The following PSMA8 variants were observed in gnomAD, a reference collection of about 807,000 sequenced individuals.
PSMA8 encodes proteasome subunit alpha-type 8.
PSMA8 carries 18 observed loss-of-function variants against 32.4 expected under a neutral mutation model. The observed-to-expected ratio is 0.56, with a 90% CI of 0.38 to 0.82. The LOEUF (loss-of-function observed/expected upper bound fraction) is 0.82. Ranked by LOEUF, PSMA8 falls within the 40% of genes least tolerant of loss-of-function variation. PSMA8 has a pLI of 0.00. For synonymous variants in PSMA8, 104 were observed against 98.1 expected (o/e 1.06, Z -0.36); for missense variants, 298 against 300.7 (o/e 0.99, Z 0.07).
intron 3 of PSMA8, among the ~76,000 whole-genome samples, chr18:26,153,894 T>C (rs1410103371): frequency 6.6e-6 from 1 of 152,078 alleles, no homozygotes; most frequent in Non-Finnish European, 1.5e-5. Context: ...ATTTGTTTTA[T>C]TTTTATTTTT....
chr18:26,154,416 A>G (rs1420924746), intron 3 of PSMA8, among the ~76,000 whole-genome samples: 1 of 152,164 alleles, frequency 6.6e-6, no homozygotes, highest in African/African-American at 2.4e-5. Context: ...ACCAAATACA[A>G]GGAACAGAAC....
At chr18:26,165,005 C>T (rs187667916) in intron 4 of PSMA8, among the ~76,000 whole-genome samples, 1 of 152,178 alleles carries the variant, frequency 6.6e-6, no homozygotes, top group Admixed American at 6.6e-5. Flanking sequence ...GCAGCCTCCA[C>T]CTCCCAGGTT....
intron 2 of PSMA8, among the ~76,000 whole-genome samples, chr18:26,145,913 T>A (rs554595273): frequency 6.6e-6 from 1 of 152,362 alleles, no homozygotes; most frequent in East Asian, 1.9e-4. Flanking sequence ...TAATCCATGC[T>A]TAGTTTTATG....
intron 4 of PSMA8, among the ~76,000 whole-genome samples, chr18:26,164,083 G>A (rs1427283613): frequency 1.3e-5 from 2 of 152,228 alleles, no homozygotes; most frequent in African/African-American, 4.8e-5. Flanking sequence ...ATTTAGCAAT[G>A]TGCAGGTCAT....
rs766043257 is a variant in PSMA8 at position 26,144,690 on chromosome 18, T to C, written c.229+5T>C. ...ATGTCTGCATGGCTTTTGCAGGTAC[T>C]TAAGGTCCTACAATAATGATGCATA... On this transcript the variant is annotated splice_donor_5th_base_variant and intron_variant, in intron 2 of 6. Transcript: ENST00000415576. 3 of 1,613,644 alleles carry C rather than the reference T, an allele frequency of 1.9e-6. No individual in the cohort carries two copies. In the Admixed American group the frequency reaches 5.0e-5, roughly 27 times the overall value.
intron 6 of PSMA8, among the ~76,000 whole-genome samples, chr18:26,189,100 G>A (rs1406688495): frequency 6.6e-6 from 1 of 152,076 alleles, no homozygotes; most frequent in Non-Finnish European, 1.5e-5. Flanking sequence ...TCTGACAAGG[G>A]TTTAATAACC....
intron 1 of PSMA8, among the ~76,000 whole-genome samples, chr18:26,136,015 G>A (rs537450795): frequency 6.6e-6 from 1 of 151,472 alleles, no homozygotes; most frequent in Admixed American, 6.6e-5. Context: ...ATTCTGTCTA[G>A]AAGTGAAAAT....
At chr18:26,169,587 C>A (rs1486619460) in intron 4 of PSMA8, among the ~76,000 whole-genome samples, 3 of 129,720 alleles carry the variant, frequency 2.3e-5, no homozygotes, top group African/African-American at 1.3e-4. Flanking sequence ...AGCCGGTAAT[C>A]CCAGCACTTT....
intron 4 of PSMA8, among the ~76,000 whole-genome samples, chr18:26,173,169 T>TCAGTTAG (rs2055237467): frequency 6.6e-6 from 1 of 152,196 alleles, no homozygotes; most frequent in Non-Finnish European, 1.5e-5. Context: ...TAACCTTATC[T>TCAGTTAG]GGCCCCCACC....
intron 2 of PSMA8, among the ~76,000 whole-genome samples, chr18:26,151,480 C>T (rs558405397): frequency 6.6e-6 from 1 of 152,160 alleles, no homozygotes; most frequent in Non-Finnish European, 1.5e-5. Flanking sequence ...CATTTTCAAA[C>T]TCATGGTTTT....
At chr18:26,136,820 G>T (rs1471368765) in intron 1 of PSMA8, among the ~76,000 whole-genome samples, 1 of 152,144 alleles carries the variant, frequency 6.6e-6, no homozygotes, top group South Asian at 2.1e-4. Context: ...GGGCTAGGAA[G>T]GCAGTAACTA....
At chr18:26,176,577 A>G (rs1008441853) in intron 4 of PSMA8, among the ~76,000 whole-genome samples, 8 of 152,228 alleles carry the variant, frequency 5.3e-5, no homozygotes, top group African/African-American at 1.4e-4. Flanking sequence ...TGTAATATAA[A>G]TGGTGTGTTT....
rs936137198 is a variant in PSMA8 at position 26,151,896 on chromosome 18, C to T, written c.268C>T (p.Arg90Cys). The change falls in exon 3 of 7, where the codon CGT (arginine) becomes TGT (cysteine). Residue 90 changes from arginine to cysteine, a missense_variant. Coordinates refer to ENST00000415576, the MANE Select transcript of PSMA8 (RefSeq NM_001025096.2). ...TGCTAGAGTAGTAATAAACAGAGCC[C>T]GTGTGGAGTGCCAGAGCCATAAGCT... ...ADARVVINRARVECQSHKLTV... is the reference protein window; with the variant it reads ...ADARVVINRACVECQSHKLTV... The T allele has an allele frequency of 5.0e-6, 8 of 1,611,464 alleles. No homozygotes were observed. In the East Asian group the frequency reaches 1.1e-4, roughly 23 times the overall value.
chr18:26,176,942 T>C (rs1432099466), intron 4 of PSMA8, among the ~76,000 whole-genome samples: 7 of 151,408 alleles, frequency 4.6e-5, no homozygotes, highest in Non-Finnish European at 1.0e-4. Context: ...AAAAAGAAAA[T>C]AATAATAATA....
intron 4 of PSMA8, among the ~76,000 whole-genome samples, chr18:26,159,157 T>TACCCAA: frequency 6.6e-6 from 1 of 152,340 alleles, no homozygotes; most frequent in South Asian, 2.1e-4. Context: ...TTAAATAGTT[T>TACCCAA]TCTACAAAGT....
chr18:26,146,329 G>T (rs2144282925), intron 2 of PSMA8, among the ~76,000 whole-genome samples: 1 of 151,776 alleles, frequency 6.6e-6, no homozygotes, highest in East Asian at 1.9e-4. Context: ...AGAAGTTTGA[G>T]TTCAGCTTGG....
At chr18:26,154,697 A>C (rs1293211979) in intron 3 of PSMA8, among the ~76,000 whole-genome samples, 2 of 152,026 alleles carry the variant, frequency 1.3e-5, no homozygotes, top group Non-Finnish European at 2.9e-5. Context: ...GCTCACTGCA[A>C]CCTCCAACTC....
chr18:26,151,325 C>T (rs1190518613), intron 2 of PSMA8, among the ~76,000 whole-genome samples: 1 of 152,168 alleles, frequency 6.6e-6, no homozygotes, highest in African/African-American at 2.4e-5. Flanking sequence ...TGTTTGCAAC[C>T]ATTGCATCAG....
intron 3 of PSMA8, among the ~76,000 whole-genome samples, chr18:26,154,383 T>G (rs2055070099): frequency 6.6e-6 from 1 of 152,190 alleles, no homozygotes; most frequent in Non-Finnish European, 1.5e-5. Context: ...GCTTCGATTT[T>G]CCTAATCATT....
Sources: allele counts gnomAD v4.1 joint callset (sites outside exome capture counted in the v4.1 genomes callset), GRCh38; gene constraint gnomAD v4.1.1; transcripts MANE v1.5; gene names NCBI Gene and HGNC (gene_info 2026-07-23, HGNC 2026-07-21).